The following LCLAT1 variants were observed in gnomAD, a reference collection of about 807,000 sequenced individuals.
The protein encoded by LCLAT1 is lysocardiolipin acyltransferase 1.
Under a neutral mutation model 30.7 loss-of-function variants are expected in LCLAT1, and 11 were observed. That is an observed-to-expected ratio of 0.36 (90% confidence interval 0.23 to 0.59). The LOEUF (loss-of-function observed/expected upper bound fraction) is 0.59, where lower values mean the gene tolerates loss of function less well. Among genes scored for constraint, LCLAT1 ranks in the 20% least tolerant of loss-of-function variants. The pLI, the probability that LCLAT1 is intolerant of heterozygous loss-of-function variation, is 0.77. For synonymous variants in LCLAT1, 155 were observed against 151.3 expected (o/e 1.02, Z -0.18); for missense variants, 402 against 458.6 (o/e 0.88, Z 1.13).
At chr2:30,551,806 G>A (rs569774177) in intron 3 of LCLAT1, among the ~76,000 whole-genome samples, 3 of 152,244 alleles carry the variant, frequency 2.0e-5, no homozygotes, top group Admixed American at 2.0e-4. Flanking sequence ...GTCATCTTGT[G>A]CCTCCCTCTT....
At chr2:30,529,790 T>G (rs1022595734) in intron 2 of LCLAT1, among the ~76,000 whole-genome samples, 3 of 152,220 alleles carry the variant, frequency 2.0e-5, no homozygotes, top group African/African-American at 4.8e-5. Context: ...ACAAAGTGGG[T>G]GCTCAGTGTT....
At chr2:30,577,737 G>GA (rs763384714) in intron 5 of LCLAT1, among the ~76,000 whole-genome samples, 6 of 152,072 alleles carry the variant, frequency 3.9e-5, no homozygotes, top group South Asian at 4.1e-4. Context: ...TTTCCTTGGG[G>GA]AAAAAATCAC....
chr2:30,553,557 T>C (rs1277873289), intron 3 of LCLAT1, among the ~76,000 whole-genome samples: 1 of 152,182 alleles, frequency 6.6e-6, no homozygotes, highest in Non-Finnish European at 1.5e-5. Context: ...GGCTCACGCC[T>C]GTAATCCCAG....
At chr2:30,497,556 A>G (rs991744146) in intron 1 of LCLAT1, among the ~76,000 whole-genome samples, 1 of 152,198 alleles carries the variant, frequency 6.6e-6, no homozygotes, top group African/African-American at 2.4e-5. Flanking sequence ...ACTCATTTGT[A>G]GCAGCCTCTG....
intron 5 of LCLAT1, among the ~76,000 whole-genome samples, chr2:30,633,280 T>C (rs900280059): frequency 1.3e-5 from 2 of 152,240 alleles, no homozygotes; most frequent in Non-Finnish European, 2.9e-5. Flanking sequence ...GATGACAAGC[T>C]ACTTAACTCA....
chr2:30,594,446 T>C (rs1027194104), intron 5 of LCLAT1, among the ~76,000 whole-genome samples: 1 of 152,338 alleles, frequency 6.6e-6, no homozygotes, highest in East Asian at 1.9e-4. Context: ...TAGATGAGTG[T>C]GATCCTTGAT....
chr2:30,531,322 T>C lies in LCLAT1; in HGVS notation c.166-1794T>C, dbSNP rs112038096. Among the ~76,000 whole-genome samples, 754 of 152,274 alleles carry C rather than the reference T, an allele frequency of 5.0e-3. 3 individuals carry two copies. The highest frequency in any genetic ancestry group is 7.5e-3 in the Non-Finnish European group (507 of 68,008). ...CTGTGGATCCACACCTGTAGGACTCTGCCATGATCCTTTTTACCAGGAGGT... is the reference window on the plus strand; with the variant it reads ...CTGTGGATCCACACCTGTAGGACTCCGCCATGATCCTTTTTACCAGGAGGT... On this transcript the variant is annotated intron_variant, in intron 2 of 5. Transcript: ENST00000379509.
intron 1 of LCLAT1, among the ~76,000 whole-genome samples, chr2:30,467,760 C>G (rs1456572176): frequency 6.6e-6 from 1 of 152,130 alleles, no homozygotes; most frequent in Non-Finnish European, 1.5e-5. Flanking sequence ...CTGTTCATAT[C>G]CTTCGCCCAC....
intron 1 of LCLAT1, among the ~76,000 whole-genome samples, chr2:30,449,775 C>T (rs1428244501): frequency 2.6e-5 from 4 of 152,180 alleles, no homozygotes; most frequent in African/African-American, 9.7e-5. Flanking sequence ...GTTGGGATTA[C>T]AGGTGTGAGC....
intron 1 of LCLAT1, among the ~76,000 whole-genome samples, chr2:30,449,798 C>A (rs1681458925): frequency 6.6e-6 from 1 of 152,124 alleles, no homozygotes; most frequent in South Asian, 2.1e-4. Flanking sequence ...CTGTGCCTGG[C>A]TAGTTATGAC....
chr2:30,535,409 C>T (rs1686195833), intron 3 of LCLAT1, among the ~76,000 whole-genome samples: 1 of 152,096 alleles, frequency 6.6e-6, no homozygotes, highest in African/African-American at 2.4e-5. Flanking sequence ...AATGGTAGAG[C>T]ATTGTGTGCA....
In LCLAT1 at chr2:30,469,665, G is replaced by A. The variant is rs373287273; in HGVS notation, c.-5+22282G>A. The stretch of plus-strand genomic sequence containing the variant: ...GTGATCTGGACTCACTACAACCTCC[G>A]CCTCTGGGGTTCAAGCGATTCTTCT... On this transcript the variant is annotated intron_variant, in intron 1 of 5. Coordinates refer to ENST00000379509, the MANE Select transcript of LCLAT1 (RefSeq NM_001002257.3). Among the ~76,000 whole-genome samples, 264 of 142,390 alleles carry A rather than the reference G, an allele frequency of 1.9e-3. 1 individual carries two copies. Among genetic ancestry groups the A allele is most frequent in the African/African-American group, 6.6e-3 (245 of 37,302 alleles). The allele number at this position is 142,390 out of a possible 152,430, so 93.4% of individuals were successfully genotyped here. A position where few individuals can be genotyped will look rare whatever the true frequency, so the allele number is the denominator to read the frequency against.
intron 1 of LCLAT1, among the ~76,000 whole-genome samples, chr2:30,449,780 G>A (rs1291749373): frequency 6.6e-6 from 1 of 152,196 alleles, no homozygotes; most frequent in Non-Finnish European, 1.5e-5. Flanking sequence ...GATTACAGGT[G>A]TGAGCCACTG....
At chr2:30,469,259 T>A (rs966312149) in intron 1 of LCLAT1, among the ~76,000 whole-genome samples, 2 of 151,646 alleles carry the variant, frequency 1.3e-5, no homozygotes, top group African/African-American at 2.4e-5. Flanking sequence ...TCCAGTTGAT[T>A]TTTTTTTTCT....
chr2:30,511,072 G>GTCTCATTTAATTTAGTCTCTAATGTCA lies in LCLAT1; in HGVS notation c.-4-14514_-4-14513insCTCATTTAATTTAGTCTCTAATGTCAT, dbSNP rs1572548733. ...ATTTAGTCTCTAATGTCATGTTAGA[G>GTCTCATTTAATTTAGTCTCTAATGTCA]TGTTTGCTCAGAAGTCTCATTATCT... On this transcript the variant is annotated intron_variant, in intron 1 of 5. Transcript: ENST00000379509. Among the ~76,000 whole-genome samples, 3 of 152,014 alleles carry GTCTCATTTAATTTAGTCTCTAATGTCA rather than the reference G, an allele frequency of 2.0e-5. No individual in the cohort carries two copies. The East Asian group carries it at 5.8e-4, about 29-fold the overall frequency.
At chr2:30,448,737 C>G (rs1247092446) in intron 1 of LCLAT1, among the ~76,000 whole-genome samples, 1 of 152,204 alleles carries the variant, frequency 6.6e-6, no homozygotes, top group Non-Finnish European at 1.5e-5. Context: ...CAAACTGGAT[C>G]CATGGAGATT....
intron 5 of LCLAT1, among the ~76,000 whole-genome samples, chr2:30,624,765 G>T (rs954402639): frequency 2.0e-5 from 3 of 152,062 alleles, no homozygotes; most frequent in Non-Finnish European, 2.9e-5. Context: ...TAGAACAAAT[G>T]GACTTAACAG....
rs563401967 is a variant in LCLAT1, at chr2:30,552,043, G to A, written c.365-10103G>A. Among the ~76,000 whole-genome samples the A allele has an allele frequency of 7.2e-5, 11 of 152,198 alleles. No individual in the cohort carries two copies. The South Asian group carries it at 2.3e-3, about 32-fold the overall frequency. ...GAATTAAGATGTGGACATCTTTTGG[G>A]GGATGATTATTCTGCCTACCATATG... On this transcript the variant is annotated intron_variant, in intron 3 of 5. Transcript: ENST00000379509.
chr2:30,616,803 A>C (rs1054888971), intron 5 of LCLAT1, among the ~76,000 whole-genome samples: 4 of 152,128 alleles, frequency 2.6e-5, no homozygotes, highest in African/African-American at 9.6e-5. Flanking sequence ...TTGAATGAAT[A>C]GGAAAAGATC....
Sources: allele counts gnomAD v4.1 joint callset (sites outside exome capture counted in the v4.1 genomes callset), GRCh38; gene constraint gnomAD v4.1.1; transcripts MANE v1.5; gene names NCBI Gene and HGNC (gene_info 2026-07-23, HGNC 2026-07-21).